RXRA: variants seen among roughly 807,000 people sequenced by gnomAD.
RXRA encodes the protein retinoic acid receptor RXR-alpha.
Under a neutral mutation model 44.5 loss-of-function variants are expected in RXRA, and 5 were observed. That is an observed-to-expected ratio of 0.11 (90% confidence interval 0.06 to 0.24). RXRA has a LOEUF of 0.24. RXRA is among the 10% of genes least tolerant of loss of function. The pLI is 1.00. For synonymous variants in RXRA, 291 were observed against 271.4 expected (o/e 1.07, Z -0.71); for missense variants, 412 against 646.5 (o/e 0.64, Z 3.93).
chr9:134,332,525 G>A (rs1326675842), intron 1 of RXRA, among the ~76,000 whole-genome samples: 1 of 152,112 alleles, frequency 6.6e-6, no homozygotes, highest in Non-Finnish European at 1.5e-5. Context: ...TGTGGAGGAG[G>A]GGTGGGGGAG....
chr9:134,419,951 G>T (rs1831302002), intron 5 of RXRA, among the ~76,000 whole-genome samples: 1 of 152,222 alleles, frequency 6.6e-6, no homozygotes. Context: ...GCACATGACA[G>T]ATGGTGACCC....
At chr9:134,378,481 T>C (rs559189652) in intron 1 of RXRA, among the ~76,000 whole-genome samples, 2 of 152,346 alleles carry the variant, frequency 1.3e-5, no homozygotes, top group African/African-American at 4.8e-5. Context: ...TCCTGTGGCC[T>C]GGAGGCAAAT....
chr9:134,414,068 T>C (rs1172515137), intron 4 of RXRA, among the ~76,000 whole-genome samples: 2 of 152,206 alleles, frequency 1.3e-5, no homozygotes. Context: ...TAGAAGGTGA[T>C]TGTGCTGGCA....
In RXRA at chr9:134,421,819, C is replaced by T; in HGVS notation, c.910+14C>T. The T allele has an allele frequency of 6.2e-7, 1 of 1,612,506 alleles. No homozygotes were observed. Among genetic ancestry groups the T allele is most frequent in the East Asian group, 2.2e-5 (1 of 44,846 alleles). ...TGCTGCGGGCAGGTGAGTGGCGAGGCCTAGGTGGGGATGGGGATGCCATGC... is the reference window on the plus strand; with the variant it reads ...TGCTGCGGGCAGGTGAGTGGCGAGGTCTAGGTGGGGATGGGGATGCCATGC... On this transcript the variant is annotated intron_variant, in intron 6 of 9. Transcript: ENST00000481739.
intron 9 of RXRA, among the ~76,000 whole-genome samples, chr9:134,435,670 G>T (rs1175885451): frequency 6.6e-6 from 1 of 152,080 alleles, no homozygotes; most frequent in African/African-American, 2.4e-5. Flanking sequence ...TGCAGTGGGG[G>T]TGCAGCCTGA....
intron 1 of RXRA, among the ~76,000 whole-genome samples, chr9:134,328,681 A>G (rs1834953484): frequency 6.6e-6 from 1 of 152,176 alleles, no homozygotes; most frequent in South Asian, 2.1e-4. Context: ...TTGTCAACAC[A>G]GCCTAATCCC....
At chr9:134,360,371 G>A (rs1007192678) in intron 1 of RXRA, among the ~76,000 whole-genome samples, 4 of 152,196 alleles carry the variant, frequency 2.6e-5, no homozygotes, top group Admixed American at 1.3e-4. Flanking sequence ...GGAGCCTGCC[G>A]TGCCCAGGCC....
intron 1 of RXRA, among the ~76,000 whole-genome samples, chr9:134,357,212 T>C (rs28412613): frequency 0.096 from 14,599 of 152,278 alleles, 1,680 homozygotes; most frequent in African/African-American, 0.28. Flanking sequence ...CTAGGGCGGT[T>C]GGACAGGTTT....
chr9:134,412,574 G>C (rs888667778), intron 4 of RXRA, among the ~76,000 whole-genome samples: 1 of 152,220 alleles, frequency 6.6e-6, no homozygotes, highest in Non-Finnish European at 1.5e-5. Flanking sequence ...GCCTGCACGC[G>C]CAGGCAGCCA....
intron 6 of RXRA, chr9:134,422,254 C>T (rs1345443175): frequency 1.6e-6 from 2 of 1,289,230 alleles, no homozygotes; most frequent in Admixed American, 2.3e-5. Context: ...GCTCCCATCT[C>T]CCAGGACGCT....
chr9:134,413,797 C>T (rs975072110), intron 4 of RXRA, among the ~76,000 whole-genome samples: 3 of 152,194 alleles, frequency 2.0e-5, no homozygotes, highest in African/African-American at 7.2e-5. Context: ...CACCCTGAGT[C>T]CTAGGCCAGC....
At chr9:134,382,312 G>A (rs1042481677) in intron 1 of RXRA, among the ~76,000 whole-genome samples, 3 of 152,082 alleles carry the variant, frequency 2.0e-5, no homozygotes, top group Non-Finnish European at 4.4e-5. Flanking sequence ...ACTGGGCTCG[G>A]AGGGCTCTGG....
intron 1 of RXRA, among the ~76,000 whole-genome samples, chr9:134,400,877 C>T (rs558795290): frequency 6.6e-6 from 1 of 152,352 alleles, no homozygotes; most frequent in East Asian, 1.9e-4. Context: ...CCATTCCACC[C>T]ATCTGGTCCC....
intron 1 of RXRA, among the ~76,000 whole-genome samples, chr9:134,334,880 G>A (rs1554747106): frequency 6.6e-6 from 1 of 152,224 alleles, no homozygotes; most frequent in African/African-American, 2.4e-5. Context: ...GTGTGGGTCT[G>A]GATGTGGACT....
Position 134,342,065 on chromosome 9 carries a change from G to A in RXRA, c.28+15406G>A, listed in dbSNP as rs1740487846. Among the ~76,000 whole-genome samples, 1 of 152,186 alleles carries A rather than the reference G, an allele frequency of 6.6e-6. No homozygotes were observed. The highest frequency in any genetic ancestry group is 2.1e-4 in the South Asian group (1 of 4,832). On this transcript the variant is annotated intron_variant, in intron 1 of 9. Transcript: ENST00000481739. This position sits in a 1 kb window ranked among gnomAD's most constrained non-coding sequence, Gnocchi z 4.4. ...CTGCCTGTGGTGGGTGTTGCTGGCTGGGGGACATGAAGACCCCGAATGAGG... is the reference window on the plus strand; with the variant it reads ...CTGCCTGTGGTGGGTGTTGCTGGCTAGGGGACATGAAGACCCCGAATGAGG...
intron 1 of RXRA, among the ~76,000 whole-genome samples, chr9:134,347,177 G>A (rs909075599): frequency 5.9e-5 from 9 of 152,136 alleles, no homozygotes; most frequent in Non-Finnish European, 8.8e-5. Flanking sequence ...GGTGGGGTTG[G>A]GGTGGGGACC....
chr9:134,414,535 C>T (rs1262748064), intron 4 of RXRA, among the ~76,000 whole-genome samples: 3 of 152,262 alleles, frequency 2.0e-5, no homozygotes, highest in African/African-American at 4.8e-5. Flanking sequence ...CGGGGCCACA[C>T]GGCTGCTTGG....
In RXRA at chr9:134,426,783, G is replaced by C; in HGVS notation, c.911-2325G>C. On this transcript the variant is annotated intron_variant, in intron 6 of 9. Coordinates refer to ENST00000481739, the MANE Select transcript of RXRA (RefSeq NM_002957.6). This position sits in a 1 kb window ranked among gnomAD's most constrained non-coding sequence, Gnocchi z 4.6. ...GAGAGAGGCAGGCCCGAGAGGCCAGGACTGGCCAGGGATGGTGGGTTTGGG... is the reference window on the plus strand; with the variant it reads ...GAGAGAGGCAGGCCCGAGAGGCCAGCACTGGCCAGGGATGGTGGGTTTGGG... The C allele has an allele frequency of 1.0e-6, 1 of 985,410 alleles. No homozygotes were observed. Among genetic ancestry groups the C allele is most frequent in the Non-Finnish European group, 1.2e-6 (1 of 829,928 alleles). 61.0% of individuals were successfully genotyped at this position (985,410 alleles called of 1,614,324 possible).
chr9:134,391,693 C>T (rs372374440), intron 1 of RXRA, among the ~76,000 whole-genome samples: 9 of 152,322 alleles, frequency 5.9e-5, no homozygotes, highest in Non-Finnish European at 7.4e-5. Flanking sequence ...AGCTGGTACC[C>T]GTCCTCCAAG....
Sources: gnomAD v4.1 joint callset for allele counts (sites outside exome capture counted in the v4.1 genomes callset) on GRCh38, gnomAD v4.1.1 for gene constraint, Gnocchi (gnomAD v3.1) non-coding constraint, MANE v1.5 for transcripts, NCBI Gene and HGNC (gene_info 2026-07-23, HGNC 2026-07-21) for gene names.